Variants in ABLIM1 observed in about 807,000 individuals in gnomAD.
The protein encoded by ABLIM1 is actin-binding LIM protein 1.
In ABLIM1, 40 loss-of-function variants were observed where a neutral mutation model predicts 107.0. The ratio of observed to expected loss-of-function variants is 0.37; its 90% CI spans 0.29 to 0.49. The LOEUF is 0.49. ABLIM1 is among the 20% of genes least tolerant of loss of function. The pLI is 0.97. For synonymous variants in ABLIM1, 357 were observed against 357.3 expected (o/e 1.00, Z 0.01); for missense variants, 857 against 1,008.5 (o/e 0.85, Z 2.04).
Position 114,657,959 on chromosome 10 carries a change from A to G in ABLIM1, c.242T>C (p.Phe81Ser), listed in dbSNP as rs549814245. 5.6e-6 allele frequency: 9 copies of G among 1,607,934 alleles called. No individual in the cohort carries two copies. In the Admixed American group the frequency reaches 1.5e-4, roughly 27 times the overall value. Reference protein sequence around the residue: ...RGRVCNSVDPFVAHPQDPHHP... With the variant: ...RGRVCNSVDPSVAHPQDPHHP... ...CCAGAGAGGGTTATTTTACTTACCA[A>G]AAGGATCAACGCTGTTACATACACG... The change falls in exon 1 of 23, where the codon TTT becomes TCT. Residue 81 changes from phenylalanine to serine, a missense_variant and splice_region_variant. Transcript: ENST00000533213.
At chr10:114,774,044 A>G in the ABLIM1 span, among the ~76,000 whole-genome samples, 47 of 151,972 alleles carry the variant, frequency 3.1e-4, no homozygotes, top group African/African-American at 1.1e-3. Flanking sequence ...AAAATGAATG[A>G]CCTTTAGTGA....
chr10:114,676,537 A>G (rs1337767725), intron 1 of ABLIM1, among the ~76,000 whole-genome samples: 2 of 152,086 alleles, frequency 1.3e-5, no homozygotes, highest in African/African-American at 4.8e-5. Flanking sequence ...ATCAGTAACC[A>G]TGAGACTGGA....
chr10:114,671,525 C>T (rs572192132), intron 1 of ABLIM1, among the ~76,000 whole-genome samples: 2 of 152,304 alleles, frequency 1.3e-5, no homozygotes, highest in South Asian at 4.1e-4. Context: ...TGTTTTTCTT[C>T]TGAAGGTGAT....
chr10:114,735,277 T>G (rs1356161967), intron 1 of ABLIM1, among the ~76,000 whole-genome samples: 1 of 152,186 alleles, frequency 6.6e-6, no homozygotes. Context: ...AATGGTTTCC[T>G]CAGGTATCTA....
At chr10:114,641,247 TAAAAAAAAAAA>T (rs35168530) in intron 1 of ABLIM1, among the ~76,000 whole-genome samples, 5 of 37,060 alleles carry the variant, frequency 1.3e-4, no homozygotes, top group South Asian at 1.3e-3. Flanking sequence ...AAGCCAATCA[TAAAAAAAAAAA>T]AAAAAAAAAA....
intron 1 of ABLIM1, among the ~76,000 whole-genome samples, chr10:114,708,794 G>A (rs1321394229): frequency 3.9e-5 from 6 of 152,134 alleles, no homozygotes; most frequent in Non-Finnish European, 7.4e-5. Flanking sequence ...TTTGCACCAA[G>A]CTGATCATAC....
intron 8 of ABLIM1, among the ~76,000 whole-genome samples, chr10:114,475,539 G>C (rs2056218435): frequency 6.6e-6 from 1 of 152,134 alleles, no homozygotes; most frequent in South Asian, 2.1e-4. Flanking sequence ...TACACAGAAG[G>C]CACAAATCCT....
chr10:114,741,216 CTTTTTTTTTTTTTT>C (rs751287379), intron 1 of ABLIM1, among the ~76,000 whole-genome samples: 4 of 59,876 alleles, frequency 6.7e-5, no homozygotes, highest in African/African-American at 2.1e-4. Flanking sequence ...GACTATTCTT[CTTTTTTTTTTTTTT>C]TTTTTTTTTT....
intron 6 of ABLIM1, among the ~76,000 whole-genome samples, chr10:114,495,717 T>C (rs774107310): frequency 1.3e-5 from 2 of 152,198 alleles, no homozygotes; most frequent in Non-Finnish European, 2.9e-5. Flanking sequence ...TCCATAAACA[T>C]TTAGTCAATT....
chr10:114,725,392 G>A lies in ABLIM1; in HGVS notation c.-213+42669C>T, dbSNP rs116349120. On this transcript the variant is annotated intron_variant, in intron 1 of 15. Coordinates refer to the ABLIM1 transcript ENST00000651092. ...GTGGAGCTGGGTTTTATAAAATGTA[G>A]ACCATCTATACAATAAATTCATATT... Among the ~76,000 whole-genome samples the A allele has an allele frequency of 2.6e-3, 400 of 152,190 alleles. 6 individuals carry two copies. The highest frequency in any genetic ancestry group is 9.4e-3 in the African/African-American group (389 of 41,518).
intron 4 of ABLIM1, among the ~76,000 whole-genome samples, chr10:114,560,991 A>G (rs548260907): frequency 2.2e-4 from 33 of 152,226 alleles, no homozygotes; most frequent in Non-Finnish European, 3.8e-4. Flanking sequence ...TTTGCAGTGA[A>G]TGCATTAAAG....
intron 8 of ABLIM1, chr10:114,485,314 G>A (rs141618006): frequency 1.9e-5 from 31 of 1,612,510 alleles, no homozygotes; most frequent in African/African-American, 5.3e-5. Flanking sequence ...GACGGAGACC[G>A]TCCTGTGCGT....
At chr10:114,562,212 C>T (rs1299071673) in intron 4 of ABLIM1, among the ~76,000 whole-genome samples, 1 of 152,144 alleles carries the variant, frequency 6.6e-6, no homozygotes, top group African/African-American at 2.4e-5. Flanking sequence ...GAGATCCATT[C>T]CCTGACACCT....
intron 1 of ABLIM1, among the ~76,000 whole-genome samples, chr10:114,618,236 T>TAGTCTACTA (rs1249964464): frequency 6.6e-6 from 1 of 152,228 alleles, no homozygotes; most frequent in Non-Finnish European, 1.5e-5. Flanking sequence ...GACTCTGTAG[T>TAGTCTACTA]GCCTCCTAGG....
rs555346739 is a variant in ABLIM1, at chr10:114,571,227, G to A, written c.673+70C>T. 3.8e-4 allele frequency: 507 copies of A among 1,345,154 alleles called. 4 individuals are homozygous for A. In the South Asian group the frequency reaches 5.1e-3, roughly 14 times the overall value. 83.3% of individuals were successfully genotyped at this position (1,345,154 alleles called of 1,614,324 possible). A position where few individuals can be genotyped will look rare whatever the true frequency, so the allele number is the denominator to read the frequency against. On this transcript the variant is annotated intron_variant, in intron 4 of 22. Coordinates refer to ENST00000533213, the MANE Select transcript of ABLIM1 (RefSeq NM_002313.7). ...TCCAGCTAACAGCGTTTCTCAAAAA[G>A]GAAGGCACCTGCCTGAGCTACCTCT...
intron 2 of ABLIM1, chr10:114,595,137 G>T (rs2075289066): frequency 2.2e-5 from 1 of 45,790 alleles, no homozygotes; most frequent in African/African-American, 6.2e-5. Flanking sequence ...GAAGTTTCTG[G>T]CAAAAAAAAA....
chr10:114,690,668 G>A (rs1262757274), intron 1 of ABLIM1: 9 of 557,634 alleles, frequency 1.6e-5, no homozygotes, highest in African/African-American at 3.8e-5. Context: ...TCCTGGTGGC[G>A]GCAGCGTCTG....
chr10:114,464,261 C>T (rs2064647320), intron 12 of ABLIM1, among the ~76,000 whole-genome samples: 1 of 151,178 alleles, frequency 6.6e-6, no homozygotes, highest in South Asian at 2.1e-4. Context: ...TCTTGGCTCA[C>T]TGCAACCTTT....
chr10:114,557,831 G>T (rs1591184621), intron 4 of ABLIM1, among the ~76,000 whole-genome samples: 1 of 75,040 alleles, frequency 1.3e-5, no homozygotes, highest in African/African-American at 5.5e-5. Context: ...GGACCCTTAT[G>T]ACTCTCAAAA....
Sources: allele counts gnomAD v4.1 joint callset (sites outside exome capture counted in the v4.1 genomes callset), GRCh38; gene constraint gnomAD v4.1.1; transcripts MANE v1.5; gene names NCBI Gene and HGNC (gene_info 2026-07-23, HGNC 2026-07-21).